The following LYZ variants were observed in gnomAD, a reference collection of about 807,000 sequenced individuals.
LYZ encodes the protein lysozyme.
Under a neutral mutation model 15.8 loss-of-function variants are expected in LYZ, and 18 were observed. That is an observed-to-expected ratio of 1.14 (90% CI 0.79 to 1.69). The LOEUF (loss-of-function observed/expected upper bound fraction) is 1.69. Ranked by LOEUF, LYZ falls within the 40% of genes most tolerant of loss-of-function variation. LYZ has a pLI of 0.00. For missense variants in LYZ, 139 were observed against 182.8 expected (o/e 0.76, Z 1.38); for synonymous variants, 60 against 61.7 (o/e 0.97, Z 0.13).
intron 1 of LYZ, 46 bp downstream of exon 1, chr12:69,348,590 C>A (rs528547245): frequency 1.2e-6 from 2 of 1,608,520 alleles, no homozygotes; most frequent in South Asian, 1.1e-5. Flanking sequence ...ACGTATGGAA[C>A]AGACACTAGG....
intron 2 of LYZ, chr12:69,350,507 G>C (rs1298289369): frequency 4.1e-6 from 2 of 488,946 alleles, no homozygotes; most frequent in Admixed American, 6.6e-5. Flanking sequence ...TTAATTTACT[G>C]TCAATGGCCT....
chr12:69,349,327 T>C (rs973119065), intron 1 of LYZ, among the ~76,000 whole-genome samples: 4 of 152,184 alleles, frequency 2.6e-5, no homozygotes, highest in Non-Finnish European at 4.4e-5. Flanking sequence ...AACAGTGATG[T>C]TTTTAAAGAA....
chr12:69,349,375 G>T (rs1274106822), intron 1 of LYZ, among the ~76,000 whole-genome samples: 1 of 152,168 alleles, frequency 6.6e-6, no homozygotes, highest in Non-Finnish European at 1.5e-5. Flanking sequence ...TAGGAACCTA[G>T]TTCCCTTCAG....
Position 69,353,205 on chromosome 12 carries a change from G to C in LYZ, c.433G>C (p.Gly145Arg). Residue 145 changes from glycine (G) to arginine (R), a missense_variant, in exon 4 of 4, where the codon GGT becomes CGT. Coordinates refer to ENST00000261267, the MANE Select transcript of LYZ (RefSeq NM_000239.3). ...CAGAGATGTCCGTCAGTATGTTCAA[G>C]GTTGTGGAGTGTAACTCCAGAATTT... ...QNRDVRQYVQ[G>R]CGV The C allele has an allele frequency of 1.2e-6, 2 of 1,613,980 alleles. No individual in the cohort carries two copies. Among genetic ancestry groups the C allele is most frequent in the South Asian group, 2.2e-5 (2 of 91,078 alleles).
Position 69,353,184 on chromosome 12 carries a change from G to A in LYZ, c.412G>A (p.Asp138Asn). 6.2e-7 allele frequency: 1 copy of A among 1,614,122 alleles called. No homozygotes were observed. Among genetic ancestry groups the A allele is most frequent in the Non-Finnish European group, 8.5e-7 (1 of 1,179,984 alleles). ...VAWRNRCQNR[D>N]VRQYVQGCGV ...ATGGAGAAATCGTTGTCAAAACAGA[G>A]ATGTCCGTCAGTATGTTCAAGGTTG... The change falls in exon 4 of 4, where the codon GAT becomes AAT. Residue 138 changes from aspartate to asparagine, a missense_variant. Coordinates refer to ENST00000261267, the MANE Select transcript of LYZ (RefSeq NM_000239.3).
At chr12:69,350,737 C>CTTTTTTTTTTTTTTTTT (rs60163961) in intron 2 of LYZ, among the ~76,000 whole-genome samples, 1 of 26,046 alleles carries the variant, frequency 3.8e-5, no homozygotes, top group African/African-American at 1.0e-4. Flanking sequence ...TCTTCTATGC[C>CTTTTTTTTTTTTTTTTT]TTTTTTTTTT....
intron 1 of LYZ, among the ~76,000 whole-genome samples, chr12:69,349,015 A>G (rs919560180): frequency 1.3e-5 from 2 of 151,576 alleles, no homozygotes; most frequent in African/African-American, 2.4e-5. Flanking sequence ...ATTTTATTTT[A>G]TTTTTAAAGA....
chr12:69,350,413 A>C, intron 2 of LYZ, 141 bp downstream of exon 2: 1 of 803,100 alleles, frequency 1.2e-6, no homozygotes, highest in Admixed American at 2.4e-5. Context: ...TATTTTCCTC[A>C]TAATTCCCTG....
Position 69,353,726 on chromosome 12 carries a change from G to A in LYZ, c.*507G>A, listed in dbSNP as rs1432693627. ...GATGGTCTCGATCTCCTGACCTTGT[G>A]ATCCACCCACCTCGGCCTCCCAAAG... On this transcript the variant is annotated 3_prime_UTR_variant, in exon 4 of 4. Coordinates refer to ENST00000261267, the MANE Select transcript of LYZ (RefSeq NM_000239.3). The A allele has an allele frequency of 5.8e-6, 1 of 172,848 alleles. No individual in the cohort carries two copies. The highest frequency in any genetic ancestry group is 1.2e-5 in the Non-Finnish European group (1 of 80,330). The allele number at this position is 172,848 out of a possible 1,614,324, so 10.7% of individuals were successfully genotyped here.
chr12:69,348,604 G>A (rs1874776816), intron 1 of LYZ, 60 bp downstream of exon 1: 3 of 1,588,690 alleles, frequency 1.9e-6, no homozygotes, highest in Non-Finnish European at 2.6e-6. Flanking sequence ...CACTAGGAGA[G>A]AAGGAAGAAG....
chr12:69,350,960 A>G (rs1592840392), intron 2 of LYZ, among the ~76,000 whole-genome samples: 2 of 151,690 alleles, frequency 1.3e-5, no homozygotes, highest in South Asian at 2.1e-4. Flanking sequence ...TTTTTAGTAC[A>G]GGCAAATTCT....
In LYZ at chr12:69,352,208, CCTGT is replaced by C; in HGVS notation, c.302-9_302-6del. 6.2e-7 allele frequency: 1 copy of C among 1,602,364 alleles called. No homozygotes were observed. Among genetic ancestry groups the C allele is most frequent in the Non-Finnish European group, 8.6e-7 (1 of 1,169,408 alleles). ...CTATTAAAGTTTTTATTCCTTACCA[CCTGT>C]CTTTCAGCTTTGCTGCAAGATAACA... On this transcript the variant is annotated splice_region_variant and splice_polypyrimidine_tract_variant and intron_variant, in intron 2 of 3. Transcript: ENST00000261267.
At chr12:69,350,431 A>C in intron 2 of LYZ, 159 bp downstream of exon 2, 1 of 715,062 alleles carries the variant, frequency 1.4e-6, no homozygotes. Flanking sequence ...CTGAGTAAGA[A>C]ATTAAAGAAG....
In LYZ at chr12:69,350,240, G is replaced by A. The variant is rs141911537; in HGVS notation, c.269G>A (p.Gly90Glu). The A allele has an allele frequency of 5.4e-5, 87 of 1,613,980 alleles. No individual in the cohort carries two copies. Among genetic ancestry groups the A allele is most frequent in the Non-Finnish European group, 7.1e-5 (84 of 1,180,012 alleles). ...RYWCNDGKTP[G>E]AVNACHLSCS... The stretch of plus-strand genomic sequence containing the variant: ...TGGTGTAATGATGGCAAAACCCCAG[G>A]AGCAGTTAATGCCTGTCATTTATCC... Residue 90 changes from glycine (G) to glutamate (E), a missense_variant, in exon 2 of 4, where the codon GGA (glycine) becomes GAA (glutamate). Physicochemically the swap from Gly to Glu is moderately conservative, Grantham distance 98 (BLOSUM62 -2). Coordinates refer to ENST00000261267, the MANE Select transcript of LYZ (RefSeq NM_000239.3).
At position 69,353,474 on chromosome 12, in the gene LYZ, A is replaced by T; in HGVS notation, c.*255A>T. ...ATTTACCTAAAACCTTGGTTATCAA[A>T]TACATCTCCAGTACATTCCGTTCTT... On this transcript the variant is annotated 3_prime_UTR_variant, in exon 4 of 4. Coordinates refer to ENST00000261267, the MANE Select transcript of LYZ (RefSeq NM_000239.3). The T allele has an allele frequency of 3.6e-6, 2 of 548,018 alleles. No individual in the cohort carries two copies. The highest frequency in any genetic ancestry group is 6.5e-6 in the Non-Finnish European group (2 of 307,062). 33.9% of individuals were successfully genotyped at this position (548,018 alleles called of 1,614,324 possible). A position where few individuals can be genotyped will look rare whatever the true frequency, so the allele number is the denominator to read the frequency against.
chr12:69,353,497 C>CTTTTT lies in LYZ; in HGVS notation c.*285_*289dup. The stretch of plus-strand genomic sequence containing the variant: ...AAATACATCTCCAGTACATTCCGTT[C>CTTTTT]TTTTTTTTTTTGAGACAGTCTCGCT... On this transcript the variant is annotated 3_prime_UTR_variant, in exon 4 of 4. Transcript: ENST00000261267. 1 of 298,238 alleles carries CTTTTT rather than the reference C, an allele frequency of 3.4e-6. No homozygotes were observed. Among genetic ancestry groups the CTTTTT allele is most frequent in the Non-Finnish European group, 6.0e-6 (1 of 166,200 alleles). 18.5% of individuals were successfully genotyped at this position (298,238 alleles called of 1,614,324 possible).
intron 2 of LYZ, among the ~76,000 whole-genome samples, chr12:69,351,499 A>G (rs1421534141): frequency 6.6e-6 from 1 of 152,078 alleles, no homozygotes; most frequent in Non-Finnish European, 1.5e-5. Flanking sequence ...TCTGGTATAT[A>G]TTCTTCCAGA....
intron 1 of LYZ, 36 bp downstream of exon 1, chr12:69,348,580 A>G: frequency 6.2e-7 from 1 of 1,612,688 alleles, no homozygotes; most frequent in Non-Finnish European, 8.5e-7. Flanking sequence ...AGAATTAGCT[A>G]CGTATGGAAC....
At chr12:69,348,981 G>C in intron 1 of LYZ, among the ~76,000 whole-genome samples, 1 of 125,552 alleles carries the variant, frequency 8.0e-6, no homozygotes, top group South Asian at 2.1e-4. Flanking sequence ...CGTGATGTGG[G>C]ATTTTTATTT....
Sources: gnomAD v4.1 joint callset for allele counts (sites outside exome capture counted in the v4.1 genomes callset) on GRCh38, gnomAD v4.1.1 for gene constraint, MANE v1.5 for transcripts, NCBI Gene and HGNC (gene_info 2026-07-23, HGNC 2026-07-21) for gene names.